SPATA17: variants seen among roughly 807,000 people sequenced by gnomAD.
The protein encoded by SPATA17 is spermatogenesis-associated protein 17.
In SPATA17, 53 loss-of-function variants were observed where a neutral mutation model predicts 62.2. That is an observed-to-expected ratio of 0.85 (90% CI 0.68 to 1.07). SPATA17 has a LOEUF of 1.07. Ranked by LOEUF, SPATA17 falls within the 50% of genes least tolerant of loss-of-function variation. The pLI, the probability that SPATA17 is intolerant of heterozygous loss-of-function variation, is 0.00. For missense variants in SPATA17, 466 were observed against 425.5 expected, an observed-to-expected ratio of 1.10 and a Z score of -0.84; for synonymous variants, 146 against 146.8, an observed-to-expected ratio of 0.99 and a Z score of 0.04.
intron 5 of SPATA17, among the ~76,000 whole-genome samples, chr1:217,727,814 AC>A (rs1199456012): frequency 6.6e-6 from 1 of 152,156 alleles, no homozygotes; most frequent in African/African-American, 2.4e-5. Context: ...CATGAATCTC[AC>A]CTACACCAAT....
chr1:217,777,195 A>G (rs1673614920), intron 7 of SPATA17, among the ~76,000 whole-genome samples: 2 of 152,078 alleles, frequency 1.3e-5, no homozygotes, highest in Non-Finnish European at 2.9e-5. Flanking sequence ...TCCATTCTCT[A>G]TAATTACGTC....
intron 6 of SPATA17, among the ~76,000 whole-genome samples, chr1:217,764,135 C>T (rs1206709403): frequency 2.0e-4 from 30 of 152,106 alleles, no homozygotes; most frequent in Admixed American, 2.0e-3. Context: ...ATTCCTGATG[C>T]TGTATGTTCT....
chr1:217,679,325 G>A (rs1209483366), intron 4 of SPATA17, among the ~76,000 whole-genome samples: 1 of 152,122 alleles, frequency 6.6e-6, no homozygotes, highest in African/African-American at 2.4e-5. Flanking sequence ...ATGTGACCCT[G>A]AGCAAATTAC....
chr1:217,751,112 G>A (rs2102955687), intron 6 of SPATA17, among the ~76,000 whole-genome samples: 1 of 152,216 alleles, frequency 6.6e-6, no homozygotes, highest in Admixed American at 6.5e-5. Flanking sequence ...AAATGGGTTA[G>A]TACTTGCAAG....
chr1:217,756,587 G>C (rs762537261), intron 6 of SPATA17, among the ~76,000 whole-genome samples: 9 of 152,164 alleles, frequency 5.9e-5, no homozygotes, highest in Non-Finnish European at 1.3e-4. Context: ...TCACTTGAAA[G>C]CAACTTCTAG....
chr1:217,853,785 G>A (rs12139247), intron 9 of SPATA17, among the ~76,000 whole-genome samples: 37,834 of 152,008 alleles, frequency 0.25, 6,037 homozygotes, highest in East Asian at 0.55. Context: ...TGACTCATTA[G>A]CATTGAACTT....
chr1:217,809,723 C>T (rs1327700426), intron 9 of SPATA17, among the ~76,000 whole-genome samples: 2 of 152,160 alleles, frequency 1.3e-5, no homozygotes, highest in African/African-American at 2.4e-5. Flanking sequence ...CTAGGTCCCA[C>T]CTCCCAAAAC....
intron 5 of SPATA17, among the ~76,000 whole-genome samples, chr1:217,728,797 G>A (rs1458120782): frequency 2.6e-5 from 4 of 152,094 alleles, no homozygotes; most frequent in African/African-American, 7.2e-5. Flanking sequence ...TAACTTTGCA[G>A]TTTCACGATT....
chr1:217,759,682 G>A (rs187728988), intron 6 of SPATA17, among the ~76,000 whole-genome samples: 170 of 152,148 alleles, frequency 1.1e-3, no homozygotes, highest in African/African-American at 3.7e-3. Context: ...TCATATAGAC[G>A]GAATAGGGGC....
chr1:217,632,576 T>G (rs74142498), intron 1 of SPATA17, among the ~76,000 whole-genome samples: 34 of 152,336 alleles, frequency 2.2e-4, no homozygotes, highest in African/African-American at 8.2e-4. Flanking sequence ...TTTTACATTC[T>G]TTTATGAGAT....
intron 9 of SPATA17, among the ~76,000 whole-genome samples, chr1:217,846,596 A>C (rs962361411): frequency 1.3e-5 from 2 of 152,080 alleles, no homozygotes; most frequent in Admixed American, 1.3e-4. Flanking sequence ...CTAGTAATTC[A>C]TGTTTATCTT....
chr1:217,774,480 C>G lies in SPATA17; in HGVS notation c.666C>G (p.Ser222Arg), dbSNP rs759075977. Residue 222 changes from serine to arginine, a missense_variant, in exon 7 of 11, where the codon AGC (serine) becomes AGG (arginine). Coordinates refer to ENST00000366933, the MANE Select transcript of SPATA17 (RefSeq NM_138796.4). ...TSLTDWLACT[S>R]ARSFPRSEIL... Reference sequence around the variant, plus strand: ...TTACTGATTGGCTAGCTTGTACAAGCGCCCGTTCTTTTCCTCGGTCTGAAA... The same window carrying G: ...TTACTGATTGGCTAGCTTGTACAAGGGCCCGTTCTTTTCCTCGGTCTGAAA... 3 of 1,614,072 alleles carry G rather than the reference C, an allele frequency of 1.9e-6. No individual in the cohort carries two copies. The Admixed American group carries it at 5.0e-5, about 27-fold the overall frequency.
At chr1:217,663,562 T>A (rs188497706) in intron 3 of SPATA17, among the ~76,000 whole-genome samples, 78 of 152,312 alleles carry the variant, frequency 5.1e-4, no homozygotes, top group Middle Eastern at 3.4e-3. Context: ...ATTTAATGAT[T>A]ATACTCAAAA....
chr1:217,727,266 A>AATAATAATG (rs1672285383), intron 5 of SPATA17, among the ~76,000 whole-genome samples: 1 of 148,656 alleles, frequency 6.7e-6, no homozygotes, highest in African/African-American at 2.5e-5. Context: ...TAATAATAAT[A>AATAATAATG]ATAATAATAA....
At chr1:217,672,082 G>A (rs1458476496) in intron 4 of SPATA17, among the ~76,000 whole-genome samples, 2 of 152,170 alleles carry the variant, frequency 1.3e-5, no homozygotes, top group African/African-American at 4.8e-5. Context: ...TTTGTAAGTG[G>A]ATTTTTGCAA....
chr1:217,778,076 T>C (rs1293205154), intron 7 of SPATA17, among the ~76,000 whole-genome samples: 1 of 152,170 alleles, frequency 6.6e-6, no homozygotes, highest in Non-Finnish European at 1.5e-5. Flanking sequence ...AACAAGCAAT[T>C]AAATTTATTA....
intron 9 of SPATA17, among the ~76,000 whole-genome samples, chr1:217,835,926 G>C (rs908104442): frequency 1.3e-5 from 2 of 151,996 alleles, no homozygotes; most frequent in Non-Finnish European, 2.9e-5. Context: ...AATGGTTCCA[G>C]CCTCTCCTGT....
intron 1 of SPATA17, among the ~76,000 whole-genome samples, chr1:217,638,531 T>C (rs1669988409): frequency 6.6e-6 from 1 of 152,186 alleles, no homozygotes; most frequent in East Asian, 1.9e-4. Context: ...AAGTACCTTT[T>C]ACTGTCTTAT....
intron 3 of SPATA17, among the ~76,000 whole-genome samples, chr1:217,656,347 T>C (rs1670441256): frequency 6.6e-6 from 1 of 152,234 alleles, no homozygotes; most frequent in Non-Finnish European, 1.5e-5. Context: ...ATTTGTTTTG[T>C]TACTTTAGCA....
Sources: allele counts gnomAD v4.1 joint callset (sites outside exome capture counted in the v4.1 genomes callset), GRCh38; gene constraint gnomAD v4.1.1; transcripts MANE v1.5; gene names NCBI Gene and HGNC (gene_info 2026-07-23, HGNC 2026-07-21).